FCHSD2: variants seen among roughly 807,000 people sequenced by gnomAD.
The protein encoded by FCHSD2 is FCH and double SH3 domains 2, also known as F-BAR and double SH3 domains protein 2.
In FCHSD2, 38 loss-of-function variants were observed where a neutral mutation model predicts 108.1. That is an observed-to-expected ratio of 0.35 (90% confidence interval 0.27 to 0.46). The LOEUF (loss-of-function observed/expected upper bound fraction) is 0.46. FCHSD2 is among the 20% of genes least tolerant of loss of function. The pLI, the probability that FCHSD2 is intolerant of heterozygous loss-of-function variation, is 1.00. For synonymous variants in FCHSD2, 279 were observed against 314.7 expected (o/e 0.89, Z 1.20); for missense variants, 751 against 897.8 (o/e 0.84, Z 2.09).
intron 6 of FCHSD2, among the ~76,000 whole-genome samples, chr11:72,987,174 T>C (rs1269492397): frequency 6.6e-6 from 1 of 152,202 alleles, no homozygotes; most frequent in East Asian, 1.9e-4. Flanking sequence ...ACACCATCTA[T>C]CAAATCATCT....
intron 3 of FCHSD2, among the ~76,000 whole-genome samples, chr11:73,018,517 CTTT>C (rs543899306): frequency 3.6e-5 from 5 of 138,178 alleles, no homozygotes; most frequent in Non-Finnish European, 4.7e-5. Context: ...CAGATCTTGT[CTTT>C]TTTTTTTTTT....
At chr11:72,851,094 T>A (rs1353726441) in intron 13 of FCHSD2, among the ~76,000 whole-genome samples, 6 of 99,500 alleles carry the variant, frequency 6.0e-5, no homozygotes, top group African/African-American at 2.1e-4. Flanking sequence ...ACAGCGTGAC[T>A]CTGTCTCAAA....
At chr11:72,921,060 T>G (rs1301966957) in intron 9 of FCHSD2, among the ~76,000 whole-genome samples, 3 of 151,238 alleles carry the variant, frequency 2.0e-5, no homozygotes, top group African/African-American at 7.3e-5. Flanking sequence ...TAGCCAGTTC[T>G]CACTCTCCCT....
intron 2 of FCHSD2, among the ~76,000 whole-genome samples, chr11:73,112,511 T>G (rs765617504): frequency 6.6e-6 from 1 of 152,324 alleles, no homozygotes; most frequent in Middle Eastern, 3.4e-3. Context: ...ATGCTTCTTA[T>G]ACTTGAATAC....
chr11:72,881,887 A>T (rs1339631578), intron 12 of FCHSD2, among the ~76,000 whole-genome samples: 1 of 152,216 alleles, frequency 6.6e-6, no homozygotes, highest in Non-Finnish European at 1.5e-5. Context: ...CACGCCTGTA[A>T]TCCCAGCACT....
intron 3 of FCHSD2, among the ~76,000 whole-genome samples, chr11:73,069,544 G>A (rs1859383740): frequency 6.6e-6 from 1 of 151,910 alleles, no homozygotes; most frequent in African/African-American, 2.4e-5. Context: ...CCCTCAAATA[G>A]ACACAGTTAA....
At chr11:72,987,936 C>T (rs1311856280) in intron 6 of FCHSD2, among the ~76,000 whole-genome samples, 1 of 152,112 alleles carries the variant, frequency 6.6e-6, no homozygotes, top group East Asian at 1.9e-4. Flanking sequence ...AACAATAAAA[C>T]AATAAATACA....
chr11:72,931,412 T>A (rs556539640), intron 8 of FCHSD2, among the ~76,000 whole-genome samples: 15 of 146,778 alleles, frequency 1.0e-4, no homozygotes, highest in Non-Finnish European at 2.0e-4. Flanking sequence ...CAGCCTTAAA[T>A]TTTTTTTTTA....
intron 3 of FCHSD2, among the ~76,000 whole-genome samples, chr11:73,063,550 T>C (rs979861992): frequency 6.6e-6 from 1 of 152,082 alleles, no homozygotes; most frequent in Non-Finnish European, 1.5e-5. Context: ...ACCCATCTCA[T>C]GTGCAAAGAC....
intron 9 of FCHSD2, among the ~76,000 whole-genome samples, chr11:72,903,632 G>A (rs1356221775): frequency 6.6e-6 from 1 of 150,746 alleles, no homozygotes; most frequent in Non-Finnish European, 1.5e-5. Context: ...AGTGGAAATC[G>A]GCATCTGATG....
intron 8 of FCHSD2, among the ~76,000 whole-genome samples, chr11:72,961,123 A>T (rs1333647488): frequency 6.6e-6 from 1 of 152,150 alleles, no homozygotes; most frequent in Non-Finnish European, 1.5e-5. Flanking sequence ...ATTCTTTAAT[A>T]TTCAGTTTTA....
At chr11:72,857,552 C>A (rs1385924742) in intron 13 of FCHSD2, among the ~76,000 whole-genome samples, 2 of 150,596 alleles carry the variant, frequency 1.3e-5, no homozygotes, top group Non-Finnish European at 2.9e-5. Context: ...GATTCTCCTG[C>A]CTCAGCCTCC....
At position 72,868,002 on chromosome 11, in the gene FCHSD2, G is replaced by A. The variant is rs1207667561; in HGVS notation, c.1171C>T (p.Arg391Trp). Residue 391 changes from arginine (R) to tryptophan (W), a missense_variant, in exon 13 of 20, where the codon CGG becomes TGG. Transcript: ENST00000409418. The part of the protein sequence containing the change: ...AEIIKLKAEA[R>W]LDLLKQIGVS... ...CCAATCTGCTTTAGCAGGTCCAACC[G>A]GGCTTCAGCTTTCAATTTAATTATC... The A allele has an allele frequency of 1.9e-6, 3 of 1,565,642 alleles. No individual in the cohort carries two copies. The highest frequency in any genetic ancestry group is 2.6e-6 in the Non-Finnish European group (3 of 1,153,718).
At chr11:73,091,018 G>A (rs908246213) in intron 2 of FCHSD2, among the ~76,000 whole-genome samples, 2 of 152,090 alleles carry the variant, frequency 1.3e-5, no homozygotes, top group African/African-American at 4.8e-5. Flanking sequence ...AAAATTATAT[G>A]TGACCTTTTG....
chr11:73,072,180 ACT>A (rs1859452925), intron 3 of FCHSD2, among the ~76,000 whole-genome samples: 1 of 150,730 alleles, frequency 6.6e-6, no homozygotes, highest in South Asian at 2.1e-4. Context: ...CCCTCTCTCC[ACT>A]CTGTTTTATC....
rs528207473 is a variant in FCHSD2, at chr11:72,906,439, A to G, written c.829-3801T>C. Among the ~76,000 whole-genome samples the G allele has an allele frequency of 1.2e-4, 19 of 152,040 alleles. No homozygotes were observed. The East Asian group carries it at 3.7e-3, about 29-fold the overall frequency. On this transcript the variant is annotated intron_variant, in intron 9 of 19. Transcript: ENST00000409418. ...AAGCTCTTTAGTTTAATTAGATACT[A>G]TTTGTCTATTTTGGTTTTTGTTGCC...
intron 3 of FCHSD2, among the ~76,000 whole-genome samples, chr11:73,045,258 T>C (rs1858733112): frequency 6.6e-6 from 1 of 151,340 alleles, no homozygotes; most frequent in Non-Finnish European, 1.5e-5. Context: ...CATTAAAAAG[T>C]CAGGAAACAA....
intron 6 of FCHSD2, among the ~76,000 whole-genome samples, 183 bp downstream of exon 6, chr11:72,988,780 TA>T (rs1370223742): frequency 6.6e-6 from 1 of 152,242 alleles, no homozygotes; most frequent in African/African-American, 2.4e-5. Flanking sequence ...CATTTTGCTA[TA>T]TTAATTCAGA....
At chr11:72,980,647 G>T (rs4578418) in intron 8 of FCHSD2, among the ~76,000 whole-genome samples, 10,507 of 144,980 alleles carry the variant, frequency 0.072, 491 homozygotes, top group South Asian at 0.16. Flanking sequence ...TTGCAATCAT[G>T]TATATATGTA....
Sources: gnomAD v4.1 joint callset for allele counts (sites outside exome capture counted in the v4.1 genomes callset) on GRCh38, gnomAD v4.1.1 for gene constraint, MANE v1.5 for transcripts, NCBI Gene and HGNC (gene_info 2026-07-23, HGNC 2026-07-21) for gene names.